Variants in CNTNAP2 observed in about 807,000 individuals in gnomAD.
The protein encoded by CNTNAP2 is contactin associated protein 2, also known as contactin-associated protein-like 2.
In CNTNAP2, 98 loss-of-function variants were observed where a neutral mutation model predicts 155.2. The ratio of observed to expected loss-of-function variants is 0.63; its 90% CI spans 0.54 to 0.75. The LOEUF is 0.75. Among genes scored for constraint, CNTNAP2 ranks in the 30% least tolerant of loss-of-function variants. The pLI, the probability that CNTNAP2 is intolerant of heterozygous loss-of-function variation, is 0.00. For synonymous variants in CNTNAP2, 651 were observed against 631.2 expected (o/e 1.03, Z -0.47); for missense variants, 1,727 against 1,688.1 (o/e 1.02, Z -0.40).
At chr7:147,499,419 C>G (rs945162077) in intron 11 of CNTNAP2, among the ~76,000 whole-genome samples, 3 of 152,036 alleles carry the variant, frequency 2.0e-5, no homozygotes, top group African/African-American at 7.2e-5. Flanking sequence ...GTCCCAGCTA[C>G]TCGGGAGGCT....
Position 148,077,037 on chromosome 7 carries a change from G to A in CNTNAP2, c.2384-41081G>A, listed in dbSNP as rs147852559. On this transcript the variant is annotated intron_variant, in intron 15 of 23. Coordinates refer to ENST00000361727, the MANE Select transcript of CNTNAP2 (RefSeq NM_014141.6). ...CTACCATATATACAGGCGGGGCATG[G>A]TGGGTCACGTCTGTAATCCCAGCAC... Among the ~76,000 whole-genome samples, 1,004 of 152,188 alleles carry A rather than the reference G, an allele frequency of 6.6e-3. 16 individuals are homozygous for A. The highest frequency in any genetic ancestry group is 0.027 in the Middle Eastern group (8 of 294).
Position 147,198,243 on chromosome 7 carries a change from T to TTTC in CNTNAP2, c.1348+65736_1348+65737insCTT, listed in dbSNP as rs1312494117. Among the ~76,000 whole-genome samples the TTTC allele has an allele frequency of 2.3e-3, 336 of 146,298 alleles. 2 individuals carry two copies. Among genetic ancestry groups the TTTC allele is most frequent in the African/African-American group, 7.9e-3 (317 of 40,078 alleles). On this transcript the variant is annotated intron_variant, in intron 8 of 23. Transcript: ENST00000361727. ...TGGTTTCCAATATCCTTTTTTTTTTTTTTTTTTTTTGAGACGAAGTCTCGT... is the reference window on the plus strand; with the variant it reads ...TGGTTTCCAATATCCTTTTTTTTTTTTTCTTTTTTTTTTGAGACGAAGTCTCGT...
At chr7:147,060,433 A>C (rs1286885278) in intron 4 of CNTNAP2, among the ~76,000 whole-genome samples, 1 of 152,180 alleles carries the variant, frequency 6.6e-6, no homozygotes, top group African/African-American at 2.4e-5. Context: ...TTGATTTCAA[A>C]ATGTGCAGGC....
intron 9 of CNTNAP2, among the ~76,000 whole-genome samples, chr7:147,341,071 TG>T (rs1795753110): frequency 1.2e-4 from 2 of 16,926 alleles, no homozygotes; most frequent in African/African-American, 8.9e-4. Context: ...ATTGTGTGTT[TG>T]TGTGTGTGTG....
At chr7:146,825,259 G>A (rs151185190) in intron 2 of CNTNAP2, among the ~76,000 whole-genome samples, 91 of 152,180 alleles carry the variant, frequency 6.0e-4, no homozygotes, top group African/African-American at 2.0e-3. Flanking sequence ...AAACAGATAC[G>A]ATAGTTACAG....
chr7:146,734,871 C>G (rs371259377), intron 1 of CNTNAP2, among the ~76,000 whole-genome samples: 6 of 152,000 alleles, frequency 3.9e-5, no homozygotes, highest in African/African-American at 1.5e-4. Context: ...TTCCAAAATC[C>G]TTAATTTTGA....
chr7:148,213,580 C>A (rs1290580454), intron 18 of CNTNAP2, among the ~76,000 whole-genome samples: 1 of 152,154 alleles, frequency 6.6e-6, no homozygotes, highest in Non-Finnish European at 1.5e-5. Flanking sequence ...TCTAGCCTGC[C>A]TCCCACCCTC....
At chr7:146,591,669 T>G (rs1798785538) in intron 1 of CNTNAP2, among the ~76,000 whole-genome samples, 1 of 152,176 alleles carries the variant, frequency 6.6e-6, no homozygotes, top group African/African-American at 2.4e-5. Context: ...ATTGGCTTCT[T>G]TTTCCCAATG....
chr7:146,130,343 T>C lies in CNTNAP2; in HGVS notation c.97+13370T>C, dbSNP rs182978114. Among the ~76,000 whole-genome samples the C allele has an allele frequency of 2.2e-3, 333 of 152,232 alleles. 1 individual carries two copies. Among genetic ancestry groups the C allele is most frequent in the Middle Eastern group, 3.4e-3 (1 of 294 alleles). On this transcript the variant is annotated intron_variant, in intron 1 of 23. Transcript: ENST00000361727. Reference sequence around the variant, plus strand: ...AGCCAAGTGTGGTGGTGTGTGTCTGTACTGTAGTCCTAGCTACTGGAGAGG... The same window carrying C: ...AGCCAAGTGTGGTGGTGTGTGTCTGCACTGTAGTCCTAGCTACTGGAGAGG...
At chr7:147,897,624 GA>G (rs1200654800) in intron 13 of CNTNAP2, among the ~76,000 whole-genome samples, 2 of 152,206 alleles carry the variant, frequency 1.3e-5, no homozygotes, top group African/African-American at 2.4e-5. Context: ...GGCATTTCAT[GA>G]GGTCAAAATG....
intron 21 of CNTNAP2, among the ~76,000 whole-genome samples, chr7:148,269,859 A>T (rs1796742760): frequency 6.6e-6 from 1 of 152,208 alleles, no homozygotes; most frequent in African/African-American, 2.4e-5. Flanking sequence ...ATACTTTAAA[A>T]TGTTAAGTGC....
At chr7:146,685,868 A>G (rs752372993) in intron 1 of CNTNAP2, among the ~76,000 whole-genome samples, 3 of 152,232 alleles carry the variant, frequency 2.0e-5, no homozygotes, top group Non-Finnish European at 4.4e-5. Context: ...GAGCTGAAAG[A>G]GGAAAACATT....
chr7:146,446,456 G>A (rs1796403757), intron 1 of CNTNAP2, among the ~76,000 whole-genome samples: 2 of 152,066 alleles, frequency 1.3e-5, no homozygotes, highest in Admixed American at 1.3e-4. Flanking sequence ...TTTGCAACCA[G>A]ACTAGCACTT....
At chr7:147,310,904 G>T (rs1302978428) in intron 9 of CNTNAP2, among the ~76,000 whole-genome samples, 1 of 152,172 alleles carries the variant, frequency 6.6e-6, no homozygotes, top group Admixed American at 6.5e-5. Context: ...GCAGGGTTGG[G>T]TCAGTGGATA....
intron 8 of CNTNAP2, 46 bp from the exon 9 acceptor site, chr7:147,300,095 C>T (rs1207419898): frequency 1.3e-6 from 2 of 1,593,966 alleles, no homozygotes; most frequent in Non-Finnish European, 1.7e-6. Flanking sequence ...TTGTGTTCAG[C>T]TGGGTAATTT....
chr7:147,801,651 A>G (rs892368650), intron 13 of CNTNAP2, among the ~76,000 whole-genome samples: 10 of 152,184 alleles, frequency 6.6e-5, no homozygotes, highest in African/African-American at 1.2e-4. Flanking sequence ...TAAGGTCACC[A>G]ATCAACAGGA....
intron 8 of CNTNAP2, among the ~76,000 whole-genome samples, chr7:147,168,480 AT>A (rs1802165584): frequency 6.6e-6 from 1 of 152,108 alleles, no homozygotes; most frequent in South Asian, 2.1e-4. Context: ...TGGAATATAA[AT>A]ATTTATAATC....
chr7:146,545,833 A>G (rs1415079578), intron 1 of CNTNAP2, among the ~76,000 whole-genome samples: 1 of 152,000 alleles, frequency 6.6e-6, no homozygotes, highest in African/African-American at 2.4e-5. Flanking sequence ...TACTGGGTAT[A>G]TACCCAAAGG....
At chr7:147,611,955 T>G (rs1390358578) in intron 12 of CNTNAP2, among the ~76,000 whole-genome samples, 1 of 152,220 alleles carries the variant, frequency 6.6e-6, no homozygotes, top group African/African-American at 2.4e-5. Context: ...TTTAATAAGT[T>G]ATGTCAGGGA....
Sources: gnomAD v4.1 joint callset for allele counts (sites outside exome capture counted in the v4.1 genomes callset) on GRCh38, gnomAD v4.1.1 for gene constraint, MANE v1.5 for transcripts, NCBI Gene and HGNC (gene_info 2026-07-23, HGNC 2026-07-21) for gene names.